Variants in FOCAD observed in about 807,000 individuals in gnomAD.
FOCAD encodes KIAA1797.
In FOCAD, 198 loss-of-function variants were observed where a neutral mutation model predicts 225.6. That is an observed-to-expected ratio of 0.88 (90% CI 0.78 to 0.99). The LOEUF (loss-of-function observed/expected upper bound fraction) is 0.99, where lower values mean the gene tolerates loss of function less well. Ranked by LOEUF, FOCAD falls within the 50% of genes least tolerant of loss-of-function variation. The probability of loss-of-function intolerance (pLI) is 0.00; values close to 1 mark genes in which losing one functional copy is unlikely to be tolerated. For synonymous variants in FOCAD, 897 were observed against 755.0 expected (o/e 1.19, Z -3.08); for missense variants, 2,713 against 2,123.6 (o/e 1.28, Z -5.46).
At position 20,722,381 on chromosome 9, in the gene FOCAD, C is replaced by T. The variant is rs921025928; in HGVS notation, c.287+1847C>T. On this transcript the variant is annotated intron_variant, in intron 4 of 43. Coordinates refer to ENST00000338382, the MANE Select transcript of FOCAD (RefSeq NM_001375567.1). ...GTGTTCCACACCAGCATGGCATGCT[C>T]CTTCCCCTTCTCTGTCTGACATCAT... 4.6e-5 allele frequency among the ~76,000 whole-genome samples: 7 copies of T among 152,330 alleles called. No individual in the cohort carries two copies. In the East Asian group the frequency reaches 1.4e-3, roughly 29 times the overall value.
At chr9:20,722,116 C>T (rs1825836868) in intron 4 of FOCAD, among the ~76,000 whole-genome samples, 1 of 149,146 alleles carries the variant, frequency 6.7e-6, no homozygotes, top group Non-Finnish European at 1.5e-5. Context: ...TATTGTAGCT[C>T]ACTCAAGCCT....
chr9:20,658,550 G>C (rs966132190), intron 1 of FOCAD: 1 of 154,026 alleles, frequency 6.5e-6, no homozygotes, highest in Non-Finnish European at 1.4e-5. Context: ...TCTAGGTGCC[G>C]TCTGTCACCC....
chr9:20,867,100 T>C (rs1829354602), intron 18 of FOCAD, 88 bp downstream of exon 18: 6 of 782,796 alleles, frequency 7.7e-6, no homozygotes, highest in Non-Finnish European at 1.3e-5. Flanking sequence ...ACTTACCTGA[T>C]GAATATATAC....
chr9:20,815,135 TTG>T lies in FOCAD; in HGVS notation c.1456-4659_1456-4658del, dbSNP rs1402021260. Among the ~76,000 whole-genome samples the T allele has an allele frequency of 6.6e-3, 274 of 41,422 alleles. 19 individuals are homozygous for T. The highest frequency in any genetic ancestry group is 0.011 in the South Asian group (16 of 1,474). 27.2% of individuals were successfully genotyped at this position (41,422 alleles called of 152,430 possible). On this transcript the variant is annotated intron_variant, in intron 11 of 43. Coordinates refer to ENST00000338382, the MANE Select transcript of FOCAD (RefSeq NM_001375567.1). ...ATTACTTCTCTTTGTTTTTTTTTTT[TTG>T]TTTTTTTTTTTTTTTTTGAGACAGT...
At chr9:20,859,950 G>T (rs571420573) in intron 15 of FOCAD, among the ~76,000 whole-genome samples, 2 of 151,812 alleles carry the variant, frequency 1.3e-5, no homozygotes, top group African/African-American at 4.8e-5. Flanking sequence ...GAGTTTTTTT[G>T]GGAGGAGGTG....
chr9:20,981,894 C>T (rs1338603315), intron 38 of FOCAD, among the ~76,000 whole-genome samples: 1 of 152,122 alleles, frequency 6.6e-6, no homozygotes, highest in Non-Finnish European at 1.5e-5. Flanking sequence ...AGCTTAGAAG[C>T]AGTTTAACCA....
chr9:20,882,113 C>T (rs908095946), intron 20 of FOCAD, 57 bp downstream of exon 20: 1 of 1,495,370 alleles, frequency 6.7e-7, no homozygotes, highest in Non-Finnish European at 9.1e-7. Flanking sequence ...ATTTAACTTC[C>T]ACTTTCAAGT....
intron 4 of FOCAD, among the ~76,000 whole-genome samples, chr9:20,724,338 C>T (rs1223719051): frequency 1.3e-5 from 2 of 152,068 alleles, no homozygotes; most frequent in Admixed American, 1.3e-4. Context: ...TAATCTTATA[C>T]ATATAGGTGG....
intron 24 of FOCAD, among the ~76,000 whole-genome samples, chr9:20,918,576 T>G (rs1248319236): frequency 1.3e-5 from 2 of 152,000 alleles, no homozygotes; most frequent in South Asian, 4.1e-4. Context: ...ACAAAAAAAT[T>G]AGCCGGGCGT....
intron 15 of FOCAD, among the ~76,000 whole-genome samples, chr9:20,839,505 C>T (rs1010303145): frequency 2.0e-5 from 3 of 152,024 alleles, no homozygotes; most frequent in Non-Finnish European, 4.4e-5. Context: ...AAGTGTCTTG[C>T]CCGCTTAGGC....
chr9:20,663,715 G>A lies in FOCAD; in HGVS notation c.-78+4889G>A, dbSNP rs144104894. Among the ~76,000 whole-genome samples, 27 of 152,272 alleles carry A rather than the reference G, an allele frequency of 1.8e-4. No individual in the cohort carries two copies. In the East Asian group the frequency reaches 3.7e-3, roughly 21 times the overall value. ...TGAGGAAAACAATACGTAACCTCAA[G>A]CCTGAGACTGCTTCACGTATCACAG... On this transcript the variant is annotated intron_variant, in intron 2 of 45. Coordinates refer to the FOCAD transcript ENST00000380249.
intron 2 of FOCAD, among the ~76,000 whole-genome samples, chr9:20,659,923 T>C (rs1821661577): frequency 6.6e-6 from 1 of 152,110 alleles, no homozygotes; most frequent in African/African-American, 2.4e-5. Context: ...AGGTAAAAAT[T>C]AATGGAGAGA....
chr9:20,726,466 G>A (rs1349396918), intron 4 of FOCAD: 2 of 152,214 alleles, frequency 1.3e-5, no homozygotes, highest in Non-Finnish European at 2.9e-5. Flanking sequence ...AACCAGGCTA[G>A]CACTTGATTT....
At chr9:20,868,464 A>G (rs1829478250) in intron 18 of FOCAD, among the ~76,000 whole-genome samples, 1 of 151,976 alleles carries the variant, frequency 6.6e-6, no homozygotes, top group Non-Finnish European at 1.5e-5. Flanking sequence ...TTCAATTTCC[A>G]ATTATGTTTG....
At chr9:20,976,331 T>C in intron 35 of FOCAD, 89 bp from the exon 36 acceptor site, 1 of 1,255,822 alleles carries the variant, frequency 8.0e-7, no homozygotes, top group Non-Finnish European at 1.1e-6. Context: ...GATCCTTTGA[T>C]GCTAGAAGGA....
chr9:20,995,505 G>A, intron 43 of FOCAD, 51 bp from the exon 44 acceptor site: 1 of 1,482,786 alleles, frequency 6.7e-7, no homozygotes, highest in Non-Finnish European at 9.4e-7. Context: ...ACACCTTTTT[G>A]ATCAAAATGA....
intron 4 of FOCAD, among the ~76,000 whole-genome samples, chr9:20,724,996 C>G (rs1402859421): frequency 2.6e-5 from 4 of 152,210 alleles, no homozygotes. Context: ...AAGTGTAACC[C>G]TGTCTCTAAC....
intron 15 of FOCAD, among the ~76,000 whole-genome samples, chr9:20,825,771 A>G (rs1824825823): frequency 6.6e-6 from 1 of 152,082 alleles, no homozygotes; most frequent in African/African-American, 2.4e-5. Context: ...TAAGTTTAGA[A>G]TTATTGCTGC....
chr9:20,908,908 C>T (rs779053502), intron 22 of FOCAD, among the ~76,000 whole-genome samples: 1 of 152,054 alleles, frequency 6.6e-6, no homozygotes, highest in East Asian at 1.9e-4. Context: ...ACTCCTTCCT[C>T]ACAATGAGCT....
Sources: allele counts gnomAD v4.1 joint callset (sites outside exome capture counted in the v4.1 genomes callset), GRCh38; gene constraint gnomAD v4.1.1; transcripts MANE v1.5; gene names NCBI Gene and HGNC (gene_info 2026-07-23, HGNC 2026-07-21).